The following GALNT13 variants were observed in gnomAD, a reference collection of about 807,000 sequenced individuals.
GALNT13 encodes UDP-GalNAc:polypeptide N-acetylgalactosaminyltransferase 13.
In GALNT13, 28 loss-of-function variants were observed where a neutral mutation model predicts 64.2. The ratio of observed to expected loss-of-function variants is 0.44; its 90% CI spans 0.32 to 0.60. GALNT13 has a LOEUF of 0.60. Ranked by LOEUF, GALNT13 falls within the 20% of genes least tolerant of loss-of-function variation. The pLI is 0.05. For synonymous variants in GALNT13, 214 were observed against 224.6 expected (o/e 0.95, Z 0.42); for missense variants, 577 against 669.8 (o/e 0.86, Z 1.53).
chr2:153,648,804 T>C, the GALNT13 span, among the ~76,000 whole-genome samples: 4,705 of 152,148 alleles, frequency 0.031, 89 homozygotes, highest in Non-Finnish European at 0.041. Context: ...CCTTGCATCC[T>C]AGGGATGAAG....
At chr2:153,452,762 A>T in the GALNT13 span, among the ~76,000 whole-genome samples, 2 of 152,066 alleles carry the variant, frequency 1.3e-5, no homozygotes, top group Non-Finnish European at 2.9e-5. Flanking sequence ...TCATAGAACC[A>T]GAGAAAAACT....
At chr2:153,308,735 C>T in the GALNT13 span, among the ~76,000 whole-genome samples, 9 of 152,092 alleles carry the variant, frequency 5.9e-5, no homozygotes, top group South Asian at 6.2e-4. Flanking sequence ...CAGAGGGGAA[C>T]GCCGATGAAC....
the GALNT13 span, among the ~76,000 whole-genome samples, chr2:153,238,199 T>A: frequency 1.3e-5 from 2 of 152,224 alleles, no homozygotes; most frequent in East Asian, 3.9e-4. Context: ...TTTTTTCTTA[T>A]TGTTTCAGCT....
At chr2:154,341,273 G>A (rs1005678615) in intron 9 of GALNT13, among the ~76,000 whole-genome samples, 3 of 152,036 alleles carry the variant, frequency 2.0e-5, no homozygotes, top group Admixed American at 6.6e-5. Context: ...TTTGCTACTA[G>A]AGAGAGCCAT....
chr2:153,722,999 C>CAA, the GALNT13 span, among the ~76,000 whole-genome samples: 1 of 152,000 alleles, frequency 6.6e-6, no homozygotes, highest in African/African-American at 2.4e-5. Flanking sequence ...GAGACACAAC[C>CAA]AAAAGAGAGA....
chr2:153,921,935 G>A (rs895414678), intron 2 of GALNT13, among the ~76,000 whole-genome samples: 3 of 151,772 alleles, frequency 2.0e-5, no homozygotes, highest in Admixed American at 6.6e-5. Flanking sequence ...AATATAATAA[G>A]GATAAACATA....
chr2:153,645,952 G>C, the GALNT13 span, among the ~76,000 whole-genome samples: 1 of 152,054 alleles, frequency 6.6e-6, no homozygotes, highest in Non-Finnish European at 1.5e-5. Context: ...TTTGTGGAGA[G>C]TGTTTTACAT....
At chr2:153,574,129 G>GTTT in the GALNT13 span, among the ~76,000 whole-genome samples, 1 of 140,462 alleles carries the variant, frequency 7.1e-6, no homozygotes. Flanking sequence ...GTAAGGTAAA[G>GTTT]TTTTTTTTTT....
intron 1 of GALNT13, among the ~76,000 whole-genome samples, chr2:153,898,741 C>T (rs73007997): frequency 0.079 from 11,815 of 149,666 alleles, 770 homozygotes; most frequent in African/African-American, 0.17. Flanking sequence ...GATAACCAAT[C>T]AATAGCATGT....
chr2:153,263,366 C>G, the GALNT13 span, among the ~76,000 whole-genome samples: 2 of 152,252 alleles, frequency 1.3e-5, no homozygotes, highest in South Asian at 4.1e-4. Flanking sequence ...AATGGCCATA[C>G]TGCCCAAAGT....
the GALNT13 span, among the ~76,000 whole-genome samples, chr2:153,748,970 C>T: frequency 2.0e-5 from 3 of 152,120 alleles, no homozygotes; most frequent in South Asian, 4.1e-4. Context: ...AAGTCTTAGA[C>T]TTAAGGCTGT....
At chr2:154,043,414 TTATATATATATATATATATATATATA>T (rs1179722579) in intron 3 of GALNT13, among the ~76,000 whole-genome samples, 2 of 78,260 alleles carry the variant, frequency 2.6e-5, no homozygotes, top group Non-Finnish European at 4.7e-5. Context: ...ATAAGGACTT[TTATATATATATATATATATATATATA>T]TATATATATA....
intron 2 of GALNT13, among the ~76,000 whole-genome samples, chr2:153,939,637 C>G (rs1234324351): frequency 6.6e-6 from 1 of 152,154 alleles, no homozygotes; most frequent in Non-Finnish European, 1.5e-5. Context: ...CCCTGAACAC[C>G]TATACACTGA....
the GALNT13 span, among the ~76,000 whole-genome samples, chr2:153,080,838 T>G: frequency 6.6e-6 from 1 of 152,108 alleles, no homozygotes; most frequent in African/African-American, 2.4e-5. Context: ...TAATATGTTT[T>G]CATTGTGAAT....
At chr2:153,372,145 G>A in the GALNT13 span, among the ~76,000 whole-genome samples, 4 of 152,268 alleles carry the variant, frequency 2.6e-5, no homozygotes, top group African/African-American at 7.2e-5. Flanking sequence ...CAGGTGAGCT[G>A]GGGAATAGAA....
At chr2:154,389,223 C>T (rs1698663387) in intron 9 of GALNT13, among the ~76,000 whole-genome samples, 1 of 152,146 alleles carries the variant, frequency 6.6e-6, no homozygotes, top group Non-Finnish European at 1.5e-5. Flanking sequence ...GCAACCTCCA[C>T]CTCCCGGGTT....
chr2:153,927,307 T>G (rs1690214097), intron 2 of GALNT13, among the ~76,000 whole-genome samples: 1 of 152,066 alleles, frequency 6.6e-6, no homozygotes, highest in Non-Finnish European at 1.5e-5. Flanking sequence ...ATATGCACAA[T>G]TATTAATTAA....
the GALNT13 span, among the ~76,000 whole-genome samples, chr2:153,541,428 C>T: frequency 6.6e-6 from 1 of 152,178 alleles, no homozygotes; most frequent in Non-Finnish European, 1.5e-5. Flanking sequence ...GACTGACTTT[C>T]TCTTGCCCTC....
intron 4 of GALNT13, among the ~76,000 whole-genome samples, chr2:154,227,645 A>G (rs1357436501): frequency 2.6e-5 from 4 of 151,136 alleles, no homozygotes; most frequent in South Asian, 2.1e-4. Flanking sequence ...CCATGTCCCT[A>G]CGAAGGACAT....
Sources: allele counts gnomAD v4.1 joint callset (sites outside exome capture counted in the v4.1 genomes callset), GRCh38; gene constraint gnomAD v4.1.1; transcripts MANE v1.5; gene names NCBI Gene and HGNC (gene_info 2026-07-23, HGNC 2026-07-21).